POLE3: variants seen among roughly 807,000 people sequenced by gnomAD.
POLE3 encodes the protein DNA polymerase epsilon subunit 3.
A neutral mutation model predicts 16.1 loss-of-function variants in POLE3; 10 were observed. The observed-to-expected ratio is 0.62, with a 90% CI of 0.38 to 1.05. The LOEUF (loss-of-function observed/expected upper bound fraction) is 1.05, where lower values mean the gene tolerates loss of function less well. Ranked by LOEUF, POLE3 falls within the 50% of genes least tolerant of loss-of-function variation. POLE3 has a pLI of 0.01. For synonymous variants in POLE3, 83 were observed against 71.0 expected, an observed-to-expected ratio of 1.17 and a Z score of -0.85; for missense variants, 169 against 185.0, an observed-to-expected ratio of 0.91 and a Z score of 0.50.
At chr9:113,409,913 C>G (rs976659078) in intron 3 of POLE3, 142 bp downstream of exon 3, 2 of 776,950 alleles carry the variant, frequency 2.6e-6, no homozygotes, top group Non-Finnish European at 4.1e-6. Flanking sequence ...TGTTATTTTG[C>G]TTCAGAACTT....
chr9:113,409,996 C>T, intron 3 of POLE3, 59 bp downstream of exon 3: 1 of 1,403,540 alleles, frequency 7.1e-7, no homozygotes, highest in East Asian at 2.5e-5. Flanking sequence ...TGTAGGCTCC[C>T]AGCCAGCAAC....
rs2119031923 is a variant in POLE3 at position 113,408,524 on chromosome 9, T to A, written c.*287A>T. The stretch of plus-strand genomic sequence containing the variant: ...AGATCAAAAACCATCTAACCATACA[T>A]TTAAGTAAACAAAAGCGAGCAAACT... On this transcript the variant is annotated 3_prime_UTR_variant, in exon 5 of 5. Transcript: ENST00000374171. The A allele has an allele frequency of 4.3e-6, 1 of 233,200 alleles. No individual in the cohort carries two copies. Among genetic ancestry groups the A allele is most frequent in the South Asian group, 7.8e-5 (1 of 12,772 alleles). The allele number at this position is 233,200 out of a possible 1,614,324, so 14.4% of individuals were successfully genotyped here. A position where few individuals can be genotyped will look rare whatever the true frequency, so the allele number is the denominator to read the frequency against.
chr9:113,409,817 G>A (rs1588094520), intron 3 of POLE3, 89 bp from the exon 4 acceptor site: 1 of 913,464 alleles, frequency 1.1e-6, no homozygotes, highest in African/African-American at 1.6e-5. Flanking sequence ...GGGAAAGCCT[G>A]CCTCTTACAT....
At chr9:113,410,184 T>C (rs1444765400) in intron 2 of POLE3, 44 bp from the exon 3 acceptor site, 1 of 1,610,076 alleles carries the variant, frequency 6.2e-7, no homozygotes, top group Admixed American at 1.7e-5. Flanking sequence ...TTCCAGCACC[T>C]GCTTCCCTCC....
rs36123034 is a variant in POLE3 at position 113,410,600 on chromosome 9, G to A, written c.-116+17C>T. On this transcript the variant is annotated intron_variant, in intron 1 of 4. Coordinates refer to ENST00000374171, the MANE Select transcript of POLE3 (RefSeq NM_017443.5). ...TTTCTCTGCTTCTCGCCATCGCCGC[G>A]TCGGGAACCTTCTCACCAACTTATT... The A allele has an allele frequency of 1.0e-3, 497 of 483,208 alleles. 3 individuals carry two copies. Among genetic ancestry groups the A allele is most frequent in the African/African-American group, 8.3e-3 (432 of 51,774 alleles). 29.9% of individuals were successfully genotyped at this position (483,208 alleles called of 1,614,324 possible). A position where few individuals can be genotyped will look rare whatever the true frequency, so the allele number is the denominator to read the frequency against.
Position 113,407,699 on chromosome 9 carries a change from G to C in POLE3, c.*1112C>G, listed in dbSNP as rs1827969940. The C allele has an allele frequency of 6.6e-6, 1 of 152,270 alleles. No homozygotes were observed. The highest frequency in any genetic ancestry group is 1.5e-5 in the Non-Finnish European group (1 of 68,060). The allele number at this position is 152,270 out of a possible 1,614,324, so 9.4% of individuals were successfully genotyped here. ...CACTCCAGCCTGGGCCACAGAGTGA[G>C]AGACTCCATCTCTTAAAAACAAAAC... On this transcript the variant is annotated 3_prime_UTR_variant, in exon 5 of 5. Transcript: ENST00000374171.
At position 113,408,986 on chromosome 9, in the gene POLE3, G is replaced by T; in HGVS notation, c.272-3C>A. 1.9e-6 allele frequency: 3 copies of T among 1,613,458 alleles called. No individual in the cohort carries two copies. Among genetic ancestry groups the T allele is most frequent in the Non-Finnish European group, 1.7e-6 (2 of 1,179,708 alleles). ...GCCTTTCTGCTCCCGCCTATATGCT[G>T]TAAGGACGGAACAAGGGGTTAGGAG... On this transcript the variant is annotated splice_region_variant and splice_polypyrimidine_tract_variant and intron_variant, in intron 4 of 4. Coordinates refer to ENST00000374171, the MANE Select transcript of POLE3 (RefSeq NM_017443.5).
At position 113,410,235 on chromosome 9, in the gene POLE3, T is replaced by C; in HGVS notation, c.59A>G (p.Lys20Arg). The change falls in exon 2 of 5, where the codon AAG becomes AGG. Residue 20 changes from lysine (K) to arginine (R), a missense_variant. Lys to Arg is a conservative substitution (Grantham distance 26, BLOSUM62 2). Coordinates refer to ENST00000374171, the MANE Select transcript of POLE3 (RefSeq NM_017443.5). ...CCCCCCCGAGCTGCTCACCGCCTCC[T>C]TGATGATCCTGGTGATCACGGCATT... Reference protein sequence around the residue: ...LPNAVITRIIKEALPDGVNIS... With the variant: ...LPNAVITRIIREALPDGVNIS... The C allele has an allele frequency of 6.2e-7, 1 of 1,613,784 alleles. No homozygotes were observed. Among genetic ancestry groups the C allele is most frequent in the Non-Finnish European group, 8.5e-7 (1 of 1,179,968 alleles).
intron 4 of POLE3, 27 bp downstream of exon 4, chr9:113,409,583 T>G (rs769757030): frequency 1.3e-5 from 17 of 1,293,608 alleles, no homozygotes; most frequent in Non-Finnish European, 1.9e-5. Flanking sequence ...ATCTTCTATG[T>G]GGTTTAGAAG....
chr9:113,410,457 C>A (rs1828080723), intron 1 of POLE3, 49 bp from the exon 2 acceptor site: 1 of 634,670 alleles, frequency 1.6e-6, no homozygotes, highest in Non-Finnish European at 2.8e-6. Context: ...CTCCTCCCCC[C>A]ACAGCCCCGC....
rs1261035633 is a variant in POLE3, at chr9:113,410,344, T to G, written c.-51A>C. ...CTTCGCCTCCGCTTCAGGGAGCTAC[T>G]GCGTCCGGACTTCCCGCGTCGCTAC... On this transcript the variant is annotated 5_prime_UTR_variant, in exon 2 of 5. Coordinates refer to ENST00000374171, the MANE Select transcript of POLE3 (RefSeq NM_017443.5). 4.5e-6 allele frequency: 7 copies of G among 1,554,764 alleles called. No individual in the cohort carries two copies. The highest frequency in any genetic ancestry group is 6.2e-6 in the Non-Finnish European group (7 of 1,136,122).
chr9:113,408,381 T>A lies in POLE3; in HGVS notation c.*430A>T, dbSNP rs192805825. On this transcript the variant is annotated 3_prime_UTR_variant, in exon 5 of 5. Coordinates refer to ENST00000374171, the MANE Select transcript of POLE3 (RefSeq NM_017443.5). Reference sequence around the variant, plus strand: ...TTGTCAAAGACTGTGCAATCAAACATAGGCTGACCATAAGCAAAGCCCCAG... The same window carrying A: ...TTGTCAAAGACTGTGCAATCAAACAAAGGCTGACCATAAGCAAAGCCCCAG... 6.2e-6 allele frequency: 1 copy of A among 160,542 alleles called. No individual in the cohort carries two copies. Among genetic ancestry groups the A allele is most frequent in the Non-Finnish European group, 1.4e-5 (1 of 72,714 alleles). The allele number at this position is 160,542 out of a possible 1,614,324, so 9.9% of individuals were successfully genotyped here.
chr9:113,409,832 G>C, intron 3 of POLE3, 104 bp from the exon 4 acceptor site: 1 of 843,184 alleles, frequency 1.2e-6, no homozygotes, highest in Non-Finnish European at 2.0e-6. Flanking sequence ...TTACATGTAT[G>C]GATTTTGGTG....
In POLE3 at chr9:113,409,803, G is replaced by A; in HGVS notation, c.153-75C>T. 3.0e-6 allele frequency: 3 copies of A among 999,280 alleles called. No homozygotes were observed. In the East Asian group the frequency reaches 7.1e-5, roughly 24 times the overall value. The allele number at this position is 999,280 out of a possible 1,614,324, so 61.9% of individuals were successfully genotyped here. A position where few individuals can be genotyped will look rare whatever the true frequency, so the allele number is the denominator to read the frequency against. The stretch of plus-strand genomic sequence containing the variant: ...GTGGGAAAAGGAGCACCCAGAGGTG[G>A]AACGGGAAAGCCTGCCTCTTACATG... On this transcript the variant is annotated intron_variant, in intron 3 of 4. Transcript: ENST00000374171.
rs887462996 is a variant in POLE3 at position 113,410,608 on chromosome 9, C to G, written c.-116+9G>C. ...CTTCTCGCCATCGCCGCGTCGGGAA[C>G]CTTCTCACCAACTTATTTGGCTCAA... On this transcript the variant is annotated intron_variant, in intron 1 of 4. Coordinates refer to ENST00000374171, the MANE Select transcript of POLE3 (RefSeq NM_017443.5). The G allele has an allele frequency of 6.2e-6, 3 of 484,720 alleles. No individual in the cohort carries two copies. The highest frequency in any genetic ancestry group is 1.1e-5 in the Non-Finnish European group (3 of 265,776). The allele number at this position is 484,720 out of a possible 1,614,324, so 30.0% of individuals were successfully genotyped here. A position where few individuals can be genotyped will look rare whatever the true frequency, so the allele number is the denominator to read the frequency against.
In POLE3 at chr9:113,409,004, G is replaced by T. The variant is rs560354816; in HGVS notation, c.272-21C>A. ...ATATGCTGTAAGGACGGAACAAGGG[G>T]TTAGGAGACAGAGCTGAAAGTGAGC... On this transcript the variant is annotated intron_variant, in intron 4 of 4. Coordinates refer to ENST00000374171, the MANE Select transcript of POLE3 (RefSeq NM_017443.5). 3.1e-6 allele frequency: 5 copies of T among 1,609,924 alleles called. No individual in the cohort carries two copies. The African/African-American group carries it at 5.4e-5, about 17-fold the overall frequency.
In POLE3 at chr9:113,408,807, C is replaced by T; in HGVS notation, c.*4G>A. On this transcript the variant is annotated 3_prime_UTR_variant, in exon 5 of 5. Coordinates refer to ENST00000374171, the MANE Select transcript of POLE3 (RefSeq NM_017443.5). ...TTCCAAGGTGCCACAGTCTCCCGCCCTTTTCAGTTGTCTACTTCTTCCTCT... is the reference window on the plus strand; with the variant it reads ...TTCCAAGGTGCCACAGTCTCCCGCCTTTTTCAGTTGTCTACTTCTTCCTCT... 6.2e-7 allele frequency: 1 copy of T among 1,612,128 alleles called. No homozygotes were observed. Among genetic ancestry groups the T allele is most frequent in the East Asian group, 2.2e-5 (1 of 44,876 alleles).
intron 3 of POLE3, 89 bp from the exon 4 acceptor site, chr9:113,409,817 G>C (rs1588094520): frequency 4.4e-6 from 4 of 913,346 alleles, no homozygotes; most frequent in Non-Finnish European, 7.2e-6. Context: ...GGGAAAGCCT[G>C]CCTCTTACAT....
rs2119032121 is a variant in POLE3 at position 113,408,667 on chromosome 9, G to A, written c.*144C>T. 1.5e-6 allele frequency: 1 copy of A among 674,230 alleles called. No individual in the cohort carries two copies. Among genetic ancestry groups the A allele is most frequent in the Non-Finnish European group, 2.6e-6 (1 of 385,590 alleles). The allele number at this position is 674,230 out of a possible 1,614,324, so 41.8% of individuals were successfully genotyped here. On this transcript the variant is annotated 3_prime_UTR_variant, in exon 5 of 5. Transcript: ENST00000374171. Reference sequence around the variant, plus strand: ...AGTTTGGTAAGTGCTGGTTTTGACGGTATTTCTAGTCAGTTTTTATTCTGA... The same window carrying A: ...AGTTTGGTAAGTGCTGGTTTTGACGATATTTCTAGTCAGTTTTTATTCTGA...
Sources: allele counts gnomAD v4.1 joint callset, GRCh38; gene constraint gnomAD v4.1.1; transcripts MANE v1.5; gene names NCBI Gene and HGNC (gene_info 2026-07-23, HGNC 2026-07-21).